GPC6: variants seen among roughly 807,000 people sequenced by gnomAD.
The protein encoded by GPC6 is glypican 6.
A neutral mutation model predicts 55.2 loss-of-function variants in GPC6; 14 were observed. The observed-to-expected ratio is 0.25, with a 90% CI of 0.17 to 0.40. The LOEUF (loss-of-function observed/expected upper bound fraction) is 0.40. GPC6 is among the 10% of genes least tolerant of loss of function. The probability of loss-of-function intolerance (pLI) is 1.00; values close to 1 mark genes in which losing one functional copy is unlikely to be tolerated. For missense variants in GPC6, 641 were observed against 708.5 expected (o/e 0.90, Z 1.08); for synonymous variants, 278 against 259.6 (o/e 1.07, Z -0.68).
chr13:93,473,405 C>G (rs1240945279), intron 1 of GPC6, among the ~76,000 whole-genome samples: 1 of 152,186 alleles, frequency 6.6e-6, no homozygotes, highest in Non-Finnish European at 1.5e-5. Flanking sequence ...AGCACCCATG[C>G]TTGGCCCCAA....
At chr13:93,357,421 G>A (rs1288087314) in intron 1 of GPC6, among the ~76,000 whole-genome samples, 1 of 152,286 alleles carries the variant, frequency 6.6e-6, no homozygotes. Flanking sequence ...ATAGAAAGGA[G>A]ATGGGGAAAA....
chr13:93,577,830 C>T (rs1302303544), intron 2 of GPC6, among the ~76,000 whole-genome samples: 3 of 151,914 alleles, frequency 2.0e-5, no homozygotes, highest in South Asian at 2.1e-4. Context: ...ATGTTCAGTA[C>T]GATGTTGGCT....
chr13:93,441,984 G>A (rs1017107155), intron 1 of GPC6, among the ~76,000 whole-genome samples: 5 of 152,196 alleles, frequency 3.3e-5, no homozygotes, highest in African/African-American at 1.2e-4. Flanking sequence ...GGACATGATG[G>A]TTCTCTGCTG....
intron 1 of GPC6, among the ~76,000 whole-genome samples, chr13:93,483,410 T>C (rs1879590025): frequency 6.6e-6 from 1 of 152,180 alleles, no homozygotes; most frequent in Admixed American, 6.6e-5. Flanking sequence ...ATACTTTGTG[T>C]TGTAAAAAGT....
At chr13:93,799,895 T>A (rs1290477904) in intron 2 of GPC6, among the ~76,000 whole-genome samples, 2 of 152,248 alleles carry the variant, frequency 1.3e-5, no homozygotes, top group East Asian at 1.9e-4. Flanking sequence ...GTGGAAAAAA[T>A]TCCACTTTCA....
chr13:93,531,610 A>T (rs1881870912), intron 1 of GPC6, among the ~76,000 whole-genome samples: 1 of 152,156 alleles, frequency 6.6e-6, no homozygotes, highest in Admixed American at 6.6e-5. Context: ...TGATTACATT[A>T]CTGGGTGCTA....
intron 1 of GPC6, among the ~76,000 whole-genome samples, chr13:93,464,058 G>A (rs1419578914): frequency 5.3e-5 from 8 of 152,174 alleles, no homozygotes; most frequent in Non-Finnish European, 1.2e-4. Context: ...TGTACACTGA[G>A]TATTCAATAG....
intron 3 of GPC6, among the ~76,000 whole-genome samples, chr13:93,882,911 C>T (rs974182996): frequency 1.3e-5 from 2 of 152,132 alleles, no homozygotes; most frequent in Non-Finnish European, 1.5e-5. Flanking sequence ...TATTTTCAGT[C>T]ATCTGTCGCA....
intron 7 of GPC6, among the ~76,000 whole-genome samples, chr13:94,394,298 G>T (rs1880799811): frequency 1.3e-5 from 2 of 152,222 alleles, no homozygotes; most frequent in Non-Finnish European, 2.9e-5. Context: ...GGCAAACCAT[G>T]ACATCCCTGC....
At chr13:93,496,232 C>A (rs544790129) in intron 1 of GPC6, among the ~76,000 whole-genome samples, 1 of 152,080 alleles carries the variant, frequency 6.6e-6, no homozygotes, top group African/African-American at 2.4e-5. Flanking sequence ...CGTGGTGCGC[C>A]GTTTTTTAAG....
intron 3 of GPC6, among the ~76,000 whole-genome samples, chr13:94,018,333 A>G (rs974974883): frequency 1.3e-5 from 2 of 150,954 alleles, no homozygotes; most frequent in Non-Finnish European, 1.5e-5. Context: ...TCTGTTGCTC[A>G]GGCTGGAGTG....
intron 2 of GPC6, among the ~76,000 whole-genome samples, chr13:93,638,436 G>A (rs1257580489): frequency 2.0e-5 from 3 of 151,798 alleles, no homozygotes; most frequent in Non-Finnish European, 4.4e-5. Flanking sequence ...GAGTTTGTTA[G>A]CCAAAACTGT....
At chr13:93,675,137 A>C (rs1171853946) in intron 2 of GPC6, among the ~76,000 whole-genome samples, 1 of 152,158 alleles carries the variant, frequency 6.6e-6, no homozygotes, top group East Asian at 1.9e-4. Flanking sequence ...TGCAGTGTAC[A>C]AGTAGTTATG....
chr13:94,283,024 A>T (rs1028255490), intron 4 of GPC6, among the ~76,000 whole-genome samples: 1 of 152,232 alleles, frequency 6.6e-6, no homozygotes, highest in Non-Finnish European at 1.5e-5. Flanking sequence ...CATCCATCAA[A>T]AGGCAGCTAT....
chr13:93,689,756 G>A (rs942739913), intron 2 of GPC6, among the ~76,000 whole-genome samples: 3 of 151,944 alleles, frequency 2.0e-5, no homozygotes, highest in Admixed American at 2.0e-4. Context: ...TTTCTAATTT[G>A]CAGCAATGTT....
At chr13:93,228,924 A>G (rs549532519) in intron 1 of GPC6, among the ~76,000 whole-genome samples, 69 of 152,350 alleles carry the variant, frequency 4.5e-4, no homozygotes, top group African/African-American at 1.6e-3. Context: ...TTACACTGAA[A>G]TGAACACATT....
chr13:93,942,451 T>G (rs1433277456), intron 3 of GPC6, among the ~76,000 whole-genome samples: 1 of 152,052 alleles, frequency 6.6e-6, no homozygotes, highest in Non-Finnish European at 1.5e-5. Flanking sequence ...TCCTGAGGAG[T>G]TGGGACTACA....
chr13:93,659,645 G>A (rs1017746541), intron 2 of GPC6, among the ~76,000 whole-genome samples: 2 of 151,824 alleles, frequency 1.3e-5, no homozygotes, highest in Non-Finnish European at 2.9e-5. Flanking sequence ...GCTTCTACTG[G>A]GGATTCATTA....
In GPC6 at chr13:93,227,734, C is replaced by T; in HGVS notation, c.160+118C>T. On this transcript the variant is annotated intron_variant, in intron 1 of 8. Transcript: ENST00000377047. This position sits in a 1 kb window ranked among gnomAD's most constrained non-coding sequence, Gnocchi z 4.3. ...TGAGTTGGTGCTCACTTTCTGCCAC[C>T]GCTATGGGACTCCGCGTCTCCGTGT... The T allele has an allele frequency of 1.3e-6, 1 of 741,950 alleles. No individual in the cohort carries two copies. Among genetic ancestry groups the T allele is most frequent in the Non-Finnish European group, 2.2e-6 (1 of 460,164 alleles). The allele number at this position is 741,950 out of a possible 1,614,324, so 46.0% of individuals were successfully genotyped here.
Sources: allele counts gnomAD v4.1 joint callset (sites outside exome capture counted in the v4.1 genomes callset), GRCh38; gene constraint gnomAD v4.1.1; non-coding constraint Gnocchi (gnomAD v3.1); transcripts MANE v1.5; gene names NCBI Gene and HGNC (gene_info 2026-07-23, HGNC 2026-07-21).